CSMD1: variants seen among roughly 807,000 people sequenced by gnomAD.
CSMD1 encodes the protein CUB and Sushi multiple domains 1, also known as CUB and sushi domain-containing protein 1.
Under a neutral mutation model 417.5 loss-of-function variants are expected in CSMD1, and 213 were observed. The observed-to-expected ratio is 0.51, with a 90% CI of 0.46 to 0.57. The LOEUF (loss-of-function observed/expected upper bound fraction) is 0.57. Among genes scored for constraint, CSMD1 ranks in the 20% least tolerant of loss-of-function variants. CSMD1 has a pLI of 0.00. For synonymous variants in CSMD1, 2,862 were observed against 1,736.8 expected, an observed-to-expected ratio of 1.65 and a Z score of -16.11; for missense variants, 6,923 against 4,529.7, an observed-to-expected ratio of 1.53 and a Z score of -15.17.
chr8:4,053,188 G>C (rs556106375), intron 3 of CSMD1, among the ~76,000 whole-genome samples: 1 of 152,180 alleles, frequency 6.6e-6, no homozygotes, highest in African/African-American at 2.4e-5. Context: ...TTTGAAGCCT[G>C]AAAATATAAC....
intron 1 of CSMD1, among the ~76,000 whole-genome samples, chr8:4,939,535 G>A (rs1325133243): frequency 1.3e-5 from 2 of 152,120 alleles, no homozygotes; most frequent in Admixed American, 6.6e-5. Flanking sequence ...AATGAAATGA[G>A]CCAGGCGCAG....
intron 2 of CSMD1, among the ~76,000 whole-genome samples, chr8:4,559,545 C>T (rs1798237339): frequency 6.6e-6 from 1 of 152,136 alleles, no homozygotes; most frequent in African/African-American, 2.4e-5. Flanking sequence ...AACTGATATT[C>T]ACTTTTGTTG....
chr8:4,420,023 T>A lies in CSMD1; in HGVS notation c.345A>T (p.Gly115=). 2 of 1,583,822 alleles carry A rather than the reference T, an allele frequency of 1.3e-6. No homozygotes were observed. The highest frequency in any genetic ancestry group is 1.7e-4 in the Middle Eastern group (1 of 6,024). ...FQLPSSIVST[G]SILTLWFTTD... ...TCGTGAACCACAGAGTGAGGATAGATCCTGTACTCACTATAGAGGAGGGCA... is the reference window on the plus strand; with the variant it reads ...TCGTGAACCACAGAGTGAGGATAGAACCTGTACTCACTATAGAGGAGGGCA... Residue 115 remains glycine (G), a synonymous_variant, in exon 3 of 70, where the codon GGA becomes GGT. Coordinates refer to ENST00000635120, the MANE Select transcript of CSMD1 (RefSeq NM_033225.6).
At chr8:2,961,292 G>A (rs986983431) in intron 61 of CSMD1, 78 bp from the exon 62 acceptor site, 1 of 800,462 alleles carries the variant, frequency 1.2e-6, no homozygotes, top group East Asian at 2.7e-5. Context: ...TCACTAAAAG[G>A]TCTCATGAAA....
chr8:4,144,002 G>A (rs1037819298), intron 3 of CSMD1, among the ~76,000 whole-genome samples: 1 of 151,350 alleles, frequency 6.6e-6, no homozygotes, highest in Non-Finnish European at 1.5e-5. Context: ...CTGAGACACG[G>A]TGGAAGGAGG....
intron 5 of CSMD1, among the ~76,000 whole-genome samples, chr8:3,945,513 T>C (rs1214734251): frequency 2.6e-5 from 4 of 152,092 alleles, no homozygotes; most frequent in African/African-American, 7.2e-5. Flanking sequence ...CCAAAGTTTA[T>C]TGGTAATAGT....
rs1340103129 is a variant in CSMD1, at chr8:3,235,915, A to AT, written c.4154-5685_4154-5684insA. On this transcript the variant is annotated intron_variant, in intron 26 of 69. Transcript: ENST00000635120. Reference sequence around the variant, plus strand: ...TTTATGCCAGTTATATGAAGATGTAAGTTTTTTTTTTTTTTTTTTTGAGAC... The same window carrying AT: ...TTTATGCCAGTTATATGAAGATGTAATGTTTTTTTTTTTTTTTTTTTGAGAC... 6.7e-5 allele frequency among the ~76,000 whole-genome samples: 5 copies of AT among 74,510 alleles called. 1 individual carries two copies. The highest frequency in any genetic ancestry group is 1.5e-4 in the Non-Finnish European group (5 of 33,486). The allele number at this position is 74,510 out of a possible 152,430, so 48.9% of individuals were successfully genotyped here.
chr8:3,756,324 C>G (rs2623732), intron 5 of CSMD1, among the ~76,000 whole-genome samples: 137,050 of 150,716 alleles, frequency 0.91, 62,336 homozygotes, highest in Admixed American at 0.94. Context: ...CTGCACTCCA[C>G]CCTGGGCAAC....
intron 5 of CSMD1, among the ~76,000 whole-genome samples, chr8:3,769,020 G>A (rs554485885): frequency 1.1e-4 from 17 of 152,356 alleles, no homozygotes; most frequent in African/African-American, 3.4e-4. Flanking sequence ...TGGGGAGGGC[G>A]TTAGTTGCTT....
intron 1 of CSMD1, among the ~76,000 whole-genome samples, chr8:4,868,701 G>A (rs551153197): frequency 2.0e-5 from 3 of 151,918 alleles, no homozygotes; most frequent in Admixed American, 6.6e-5. Context: ...TGTCTTGGTC[G>A]AAAGTATTTG....
chr8:4,682,418 T>C (rs905030990), intron 1 of CSMD1, among the ~76,000 whole-genome samples: 1 of 152,188 alleles, frequency 6.6e-6, no homozygotes, highest in African/African-American at 2.4e-5. Context: ...TTAGTAATTT[T>C]CAAATTTCGA....
chr8:4,972,855 G>A (rs904171246), intron 1 of CSMD1, among the ~76,000 whole-genome samples: 4 of 152,104 alleles, frequency 2.6e-5, no homozygotes, highest in Admixed American at 2.0e-4. Context: ...GGAATGAAGT[G>A]AAACTGCATA....
chr8:4,365,219 G>A (rs1019294085), intron 3 of CSMD1, among the ~76,000 whole-genome samples: 1 of 152,082 alleles, frequency 6.6e-6, no homozygotes, highest in Non-Finnish European at 1.5e-5. Flanking sequence ...TATAAAAAAA[G>A]AGTTTTGTTA....
At chr8:3,910,432 T>C (rs1371653994) in intron 5 of CSMD1, among the ~76,000 whole-genome samples, 1 of 152,342 alleles carries the variant, frequency 6.6e-6, no homozygotes, top group African/African-American at 2.4e-5. Flanking sequence ...AATCCCTTCA[T>C]AAAATCACGA....
At chr8:3,596,474 C>T (rs1193064881) in intron 8 of CSMD1, among the ~76,000 whole-genome samples, 1 of 152,156 alleles carries the variant, frequency 6.6e-6, no homozygotes, top group Non-Finnish European at 1.5e-5. Context: ...GCCCTCTGCT[C>T]AGCATCATGG....
chr8:3,039,742 T>C lies in CSMD1; in HGVS notation c.7661-10229A>G, dbSNP rs537393204. Reference sequence around the variant, plus strand: ...AGGTCTTTCAAAATATTTTCCTGTCTATAGCAACTTGAGTTACAGCACGGC... The same window carrying C: ...AGGTCTTTCAAAATATTTTCCTGTCCATAGCAACTTGAGTTACAGCACGGC... On this transcript the variant is annotated intron_variant, in intron 50 of 69. Coordinates refer to ENST00000635120, the MANE Select transcript of CSMD1 (RefSeq NM_033225.6). Among the ~76,000 whole-genome samples the C allele has an allele frequency of 1.8e-4, 27 of 152,280 alleles. No homozygotes were observed. The South Asian group carries it at 4.4e-3, about 25-fold the overall frequency.
At chr8:4,544,419 T>G (rs1369359644) in intron 2 of CSMD1, among the ~76,000 whole-genome samples, 2 of 152,134 alleles carry the variant, frequency 1.3e-5, no homozygotes, top group African/African-American at 4.8e-5. Flanking sequence ...TTACAGTAGT[T>G]ATAAAATTTT....
chr8:4,783,483 C>G (rs1005878326), intron 1 of CSMD1, among the ~76,000 whole-genome samples: 1 of 152,160 alleles, frequency 6.6e-6, no homozygotes, highest in East Asian at 1.9e-4. Flanking sequence ...CAAGATTAAA[C>G]CGGAAGTATT....
chr8:4,742,381 A>T (rs577715427), intron 1 of CSMD1, among the ~76,000 whole-genome samples: 1 of 152,078 alleles, frequency 6.6e-6, no homozygotes, highest in East Asian at 1.9e-4. Flanking sequence ...TATCATGAGA[A>T]ATTTAAGACT....
Sources: gnomAD v4.1 joint callset for allele counts (sites outside exome capture counted in the v4.1 genomes callset) on GRCh38, gnomAD v4.1.1 for gene constraint, MANE v1.5 for transcripts, NCBI Gene and HGNC (gene_info 2026-07-23, HGNC 2026-07-21) for gene names.